DISC1: variants seen among roughly 807,000 people sequenced by gnomAD.
DISC1 encodes DISC1 scaffold protein.
Under a neutral mutation model 84.5 loss-of-function variants are expected in DISC1, and 57 were observed. That is an observed-to-expected ratio of 0.67 (90% CI 0.55 to 0.84). DISC1 has a LOEUF of 0.84. Ranked by LOEUF, DISC1 falls within the 40% of genes least tolerant of loss-of-function variation. The pLI, the probability that DISC1 is intolerant of heterozygous loss-of-function variation, is 0.00. For missense variants in DISC1, 1,000 were observed against 1,057.8 expected (o/e 0.95, Z 0.76); for synonymous variants, 411 against 415.2 (o/e 0.99, Z 0.12).
intron 1 of DISC1, among the ~76,000 whole-genome samples, chr1:231,668,032 G>GGT (rs2062185315): frequency 6.6e-6 from 1 of 150,986 alleles, no homozygotes. Context: ...CTCCAGCCTG[G>GGT]GTGACAGAGC....
At chr1:231,777,761 A>T (rs2077061295) in intron 6 of DISC1, among the ~76,000 whole-genome samples, 1 of 152,208 alleles carries the variant, frequency 6.6e-6, no homozygotes, top group Non-Finnish European at 1.5e-5. Flanking sequence ...GTTGATACTC[A>T]TACACTAATT....
intron 1 of DISC1, among the ~76,000 whole-genome samples, chr1:231,652,623 G>A (rs1040393792): frequency 1.3e-5 from 2 of 152,176 alleles, no homozygotes; most frequent in Non-Finnish European, 2.9e-5. Flanking sequence ...CACTGTTAAT[G>A]ATTTAGGGAA....
At chr1:231,909,663 G>T (rs2089020498) in intron 9 of DISC1, among the ~76,000 whole-genome samples, 2 of 152,104 alleles carry the variant, frequency 1.3e-5, no homozygotes, top group Admixed American at 6.5e-5. Context: ...CCAGGCTTTG[G>T]TATCAGGATG....
At chr1:231,854,866 G>T in intron 9 of DISC1, 1 of 405,614 alleles carries the variant, frequency 2.5e-6, no homozygotes, top group Non-Finnish European at 4.9e-6. Context: ...ACAGGTGCCC[G>T]CCACCATGCC....
intron 3 of DISC1, among the ~76,000 whole-genome samples, chr1:231,749,498 A>T (rs765418130): frequency 2.0e-5 from 3 of 152,194 alleles, no homozygotes; most frequent in Non-Finnish European, 4.4e-5. Flanking sequence ...GACTGGCTCT[A>T]TCTGGATGTG....
chr1:231,966,520 A>G (rs919365811), intron 10 of DISC1, among the ~76,000 whole-genome samples: 1 of 152,234 alleles, frequency 6.6e-6, no homozygotes, highest in African/African-American at 2.4e-5. Flanking sequence ...TACAGGAGGA[A>G]TTCATTATTG....
chr1:231,950,092 G>A (rs1658045643), intron 9 of DISC1, among the ~76,000 whole-genome samples: 1 of 152,120 alleles, frequency 6.6e-6, no homozygotes, highest in Admixed American at 6.5e-5. Flanking sequence ...ATCAAGTGTG[G>A]ATTGGGGCTT....
At chr1:231,803,931 A>T (rs1179291661) in intron 8 of DISC1, among the ~76,000 whole-genome samples, 1 of 132,962 alleles carries the variant, frequency 7.5e-6, no homozygotes, top group Non-Finnish European at 1.6e-5. Context: ...TGGGTGACAG[A>T]GCAAGACTCC....
intron 6 of DISC1, among the ~76,000 whole-genome samples, chr1:231,772,110 C>T (rs1312965013): frequency 2.0e-5 from 3 of 151,812 alleles, no homozygotes; most frequent in South Asian, 4.2e-4. Context: ...TCACCACATC[C>T]GGCTATTTTT....
chr1:231,973,218 T>C (rs1482519881), intron 10 of DISC1, among the ~76,000 whole-genome samples: 6 of 152,162 alleles, frequency 3.9e-5, no homozygotes, highest in African/African-American at 1.4e-4. Flanking sequence ...GGCTAATCTT[T>C]GTATTTTTAA....
At chr1:231,655,144 G>A (rs200586991) in intron 1 of DISC1, among the ~76,000 whole-genome samples, 1 of 152,128 alleles carries the variant, frequency 6.6e-6, no homozygotes, top group Non-Finnish European at 1.5e-5. Context: ...AGTACAAGTG[G>A]TTTTTGCTTA....
intron 9 of DISC1, among the ~76,000 whole-genome samples, chr1:231,871,582 C>T (rs1266623165): frequency 6.6e-6 from 1 of 152,190 alleles, no homozygotes; most frequent in East Asian, 1.9e-4. Context: ...AGACAACCCT[C>T]TTAGCAGGTT....
Position 231,834,610 on chromosome 1 carries a change from T to C in DISC1, c.1981+16093T>C, listed in dbSNP as rs564246026. On this transcript the variant is annotated intron_variant, in intron 9 of 12. Coordinates refer to ENST00000439617, the MANE Select transcript of DISC1 (RefSeq NM_018662.3). ...CGCAGAAGAAAATAAGGCATTTAGGTTTTAGGTCAGGTGTAAGTTGAATAG... is the reference window on the plus strand; with the variant it reads ...CGCAGAAGAAAATAAGGCATTTAGGCTTTAGGTCAGGTGTAAGTTGAATAG... 4.6e-5 allele frequency among the ~76,000 whole-genome samples: 7 copies of C among 151,826 alleles called. No homozygotes were observed. The South Asian group carries it at 1.5e-3, about 32-fold the overall frequency.
At chr1:231,736,955 A>T (rs187477715) in intron 3 of DISC1, among the ~76,000 whole-genome samples, 1 of 152,398 alleles carries the variant, frequency 6.6e-6, no homozygotes, top group Admixed American at 6.5e-5. Context: ...CTTGCTGCTT[A>T]TAAATGCTTA....
chr1:232,033,595 A>G (rs1319130860), intron 12 of DISC1, among the ~76,000 whole-genome samples: 12 of 152,344 alleles, frequency 7.9e-5, no homozygotes, highest in African/African-American at 2.4e-4. Flanking sequence ...TATTTATGCC[A>G]TCTATGATGG....
At chr1:231,929,858 C>A (rs990574597) in intron 9 of DISC1, among the ~76,000 whole-genome samples, 1 of 152,198 alleles carries the variant, frequency 6.6e-6, no homozygotes, top group East Asian at 1.9e-4. Flanking sequence ...TGAAGGAGAG[C>A]TGTACTTCTG....
intron 9 of DISC1, among the ~76,000 whole-genome samples, chr1:231,856,302 A>G (rs2084268938): frequency 6.6e-6 from 1 of 152,120 alleles, no homozygotes; most frequent in South Asian, 2.1e-4. Flanking sequence ...GTCCAGGAGC[A>G]TAAGAGCAGT....
At chr1:231,886,141 C>T (rs1214587020) in intron 9 of DISC1, among the ~76,000 whole-genome samples, 1 of 152,160 alleles carries the variant, frequency 6.6e-6, no homozygotes, top group Admixed American at 6.5e-5. Context: ...AGGGTGGTGC[C>T]CCCATGACCC....
intron 3 of DISC1, among the ~76,000 whole-genome samples, chr1:231,725,719 T>TG (rs2070567467): frequency 6.6e-6 from 1 of 152,206 alleles, no homozygotes; most frequent in South Asian, 2.1e-4. Flanking sequence ...AGCCCCAGTT[T>TG]GGGGGCTTGC....
Sources: allele counts gnomAD v4.1 joint callset (sites outside exome capture counted in the v4.1 genomes callset), GRCh38; gene constraint gnomAD v4.1.1; transcripts MANE v1.5; gene names NCBI Gene and HGNC (gene_info 2026-07-23, HGNC 2026-07-21).